DIRAS2: variants seen among roughly 807,000 people sequenced by gnomAD.
DIRAS2 encodes DIRAS family GTPase 2.
Under a neutral mutation model 13.9 loss-of-function variants are expected in DIRAS2, and 5 were observed. The ratio of observed to expected loss-of-function variants is 0.36; its 90% CI spans 0.19 to 0.76. The LOEUF is 0.76. Among genes scored for constraint, DIRAS2 ranks in the 30% least tolerant of loss-of-function variants. The pLI is 0.53. For synonymous variants in DIRAS2, 111 were observed against 105.4 expected (o/e 1.05, Z -0.33); for missense variants, 191 against 263.0 (o/e 0.73, Z 1.89).
At chr9:90,632,370 C>G (rs764684544) in intron 1 of DIRAS2, among the ~76,000 whole-genome samples, 5 of 152,184 alleles carry the variant, frequency 3.3e-5, no homozygotes, top group African/African-American at 4.8e-5. Context: ...TGGTTGCTCC[C>G]ACTACCCAGA....
At chr9:90,634,664 G>A (rs1409337476) in intron 1 of DIRAS2, among the ~76,000 whole-genome samples, 2 of 152,166 alleles carry the variant, frequency 1.3e-5, no homozygotes, top group Non-Finnish European at 2.9e-5. Context: ...GGAGGAAAGT[G>A]GATTTAACCA....
intron 1 of DIRAS2, among the ~76,000 whole-genome samples, chr9:90,616,736 CAAAAAAAAAA>C (rs11422558): frequency 1.1e-5 from 1 of 88,506 alleles, no homozygotes; most frequent in Admixed American, 1.4e-4. Context: ...GACTCCATCA[CAAAAAAAAAA>C]AAAAAAAAAA....
chr9:90,630,301 T>TA (rs1825312949), intron 1 of DIRAS2, among the ~76,000 whole-genome samples: 3 of 152,270 alleles, frequency 2.0e-5, no homozygotes, highest in African/African-American at 7.2e-5. Context: ...AATTCAACCA[T>TA]AAAAAAGTAA....
Position 90,613,957 on chromosome 9 carries a change from G to GTTATCACCTCCCATTTTTAA in DIRAS2, c.-36-95_-36-94insTTAAAAATGGGAGGTGATAA. The GTTATCACCTCCCATTTTTAA allele has an allele frequency of 1.6e-6, 2 of 1,220,542 alleles. No homozygotes were observed. Among genetic ancestry groups the GTTATCACCTCCCATTTTTAA allele is most frequent in the Non-Finnish European group, 2.2e-6 (2 of 897,032 alleles). The allele number at this position is 1,220,542 out of a possible 1,614,324, so 75.6% of individuals were successfully genotyped here. A position where few individuals can be genotyped will look rare whatever the true frequency, so the allele number is the denominator to read the frequency against. ...TACCCTCTTTTGATAGCTTAAAAAT[G>GTTATCACCTCCCATTTTTAA]GGAGGTGATAACATTTAAAATAGCG... On this transcript the variant is annotated intron_variant, in intron 1 of 1. Coordinates refer to ENST00000375765, the MANE Select transcript of DIRAS2 (RefSeq NM_017594.5). This position sits in a 1 kb window ranked among gnomAD's most constrained non-coding sequence, Gnocchi z 5.6.
At chr9:90,628,043 A>G (rs1487696032) in intron 1 of DIRAS2, among the ~76,000 whole-genome samples, 1 of 152,064 alleles carries the variant, frequency 6.6e-6, no homozygotes, top group Non-Finnish European at 1.5e-5. Context: ...AGAAAAAGAA[A>G]AAAAAATAGC....
At chr9:90,624,414 T>C (rs1825248928) in intron 1 of DIRAS2, among the ~76,000 whole-genome samples, 2 of 152,170 alleles carry the variant, frequency 1.3e-5, no homozygotes. Flanking sequence ...TGTAGTGTTG[T>C]AAAGACATCT....
chr9:90,635,649 G>A (rs1339693810), intron 1 of DIRAS2, among the ~76,000 whole-genome samples: 1 of 152,242 alleles, frequency 6.6e-6, no homozygotes, highest in African/African-American at 2.4e-5. Context: ...TGATTTGGAT[G>A]TAGCCTTAAC....
chr9:90,613,880 A>T lies in DIRAS2; in HGVS notation c.-36-17T>A. 1 of 1,544,330 alleles carries T rather than the reference A, an allele frequency of 6.5e-7. No homozygotes were observed. Among genetic ancestry groups the T allele is most frequent in the East Asian group, 2.3e-5 (1 of 44,270 alleles). ...AGGACGCACCTAGCAAAGGAACCAG[A>T]TGTTTGAAAGAATTAATAATTAAAA... is the stretch of plus-strand genomic sequence containing the variant. On this transcript the variant is annotated splice_polypyrimidine_tract_variant and intron_variant, in intron 1 of 1. Coordinates refer to ENST00000375765, the MANE Select transcript of DIRAS2 (RefSeq NM_017594.5). The surrounding 1 kb of genome is among the most constrained non-coding windows in gnomAD (Gnocchi z 5.6).
intron 1 of DIRAS2, among the ~76,000 whole-genome samples, chr9:90,642,296 G>T (rs912975942): frequency 6.6e-6 from 1 of 152,234 alleles, no homozygotes; most frequent in African/African-American, 2.4e-5. Flanking sequence ...AAAAGATTTA[G>T]ACAGGTCTCG....
rs1825097692 is a variant in DIRAS2 at position 90,610,248 on chromosome 9, TACAA to T, written c.*2976_*2979del. On this transcript the variant is annotated 3_prime_UTR_variant, in exon 2 of 2. Transcript: ENST00000375765. ...CAAAGAATGAGCATTTCTTAAATATTACAAACAGTGAAACAAATATACTAGCTTA... is the reference window on the plus strand; with the variant it reads ...CAAAGAATGAGCATTTCTTAAATATTACAGTGAAACAAATATACTAGCTTA... The T allele has an allele frequency of 5.1e-6, 2 of 393,606 alleles. No individual in the cohort carries two copies. The highest frequency in any genetic ancestry group is 8.9e-6 in the Non-Finnish European group (2 of 223,836). The allele number at this position is 393,606 out of a possible 1,614,324, so 24.4% of individuals were successfully genotyped here.
At chr9:90,634,996 CT>C (rs1208921491) in intron 1 of DIRAS2, among the ~76,000 whole-genome samples, 17 of 152,194 alleles carry the variant, frequency 1.1e-4, no homozygotes, top group Admixed American at 1.0e-3. Context: ...TTTAAGACAC[CT>C]TTTGACTTAC....
At chr9:90,614,306 A>ATATG (rs373144829) in intron 1 of DIRAS2, among the ~76,000 whole-genome samples, 3 of 134,796 alleles carry the variant, frequency 2.2e-5, no homozygotes, top group African/African-American at 5.6e-5. Flanking sequence ...GGTCATCATA[A>ATATG]TGTGTGTGTG....
At chr9:90,629,315 A>G (rs1825302594) in intron 1 of DIRAS2, among the ~76,000 whole-genome samples, 1 of 152,240 alleles carries the variant, frequency 6.6e-6, no homozygotes. Context: ...CATAATGCTT[A>G]GTCCAATGTG....
intron 1 of DIRAS2, among the ~76,000 whole-genome samples, chr9:90,628,157 T>C (rs1264441386): frequency 6.6e-6 from 1 of 152,184 alleles, no homozygotes; most frequent in Non-Finnish European, 1.5e-5. Flanking sequence ...CCTACTGTAT[T>C]ACTGACTGTG....
At chr9:90,635,326 C>G (rs1259558301) in intron 1 of DIRAS2, among the ~76,000 whole-genome samples, 1 of 152,144 alleles carries the variant, frequency 6.6e-6, no homozygotes, top group Non-Finnish European at 1.5e-5. Context: ...TCAAACCAAC[C>G]CAAATTAGTA....
Position 90,613,608 on chromosome 9 carries a change from GC to G in DIRAS2, c.219del (p.Leu74CysfsTer85). On this transcript the variant is annotated frameshift_variant, in exon 2 of 2. Transcript: ENST00000375765. LOFTEE classifies it high-confidence loss of function. This position sits in a 1 kb window ranked among gnomAD's most constrained non-coding sequence, Gnocchi z 5.6. ...AAGGCGTGCCCTTTGGAGATGGACA[GC>G]CGCTGCATGGCCGGGAACTGGTGGC... ...TGSHQFPAMQ[R>X]LSISKGHAFI... 6.2e-7 allele frequency: 1 copy of G among 1,614,186 alleles called. No individual in the cohort carries two copies. Among genetic ancestry groups the G allele is most frequent in the Non-Finnish European group, 8.5e-7 (1 of 1,180,034 alleles).
chr9:90,637,509 C>A (rs889013655), intron 1 of DIRAS2, among the ~76,000 whole-genome samples: 1 of 152,114 alleles, frequency 6.6e-6, no homozygotes, highest in Non-Finnish European at 1.5e-5. Flanking sequence ...ATCACCTGTC[C>A]CATGAAGGTG....
At chr9:90,631,146 T>C (rs1453982242) in intron 1 of DIRAS2, among the ~76,000 whole-genome samples, 4 of 152,152 alleles carry the variant, frequency 2.6e-5, no homozygotes, top group Admixed American at 6.5e-5. Flanking sequence ...AAAGTTGATA[T>C]GTTAGCAAAA....
chr9:90,632,991 G>A (rs1330569410), intron 1 of DIRAS2, among the ~76,000 whole-genome samples: 3 of 152,184 alleles, frequency 2.0e-5, no homozygotes, highest in African/African-American at 7.2e-5. Flanking sequence ...AGTGAAGCCA[G>A]ACCAAGACCA....
Sources: allele counts gnomAD v4.1 joint callset (sites outside exome capture counted in the v4.1 genomes callset), GRCh38; gene constraint gnomAD v4.1.1; non-coding constraint Gnocchi (gnomAD v3.1); transcripts MANE v1.5; gene names NCBI Gene and HGNC (gene_info 2026-07-23, HGNC 2026-07-21).